CTNNA3: variants seen among roughly 807,000 people sequenced by gnomAD.
The protein encoded by CTNNA3 is catenin alpha-3.
A neutral mutation model predicts 95.7 loss-of-function variants in CTNNA3; 76 were observed. The observed-to-expected ratio is 0.79, with a 90% CI of 0.66 to 0.96. CTNNA3 has a LOEUF of 0.96. CTNNA3 is among the 40% of genes least tolerant of loss of function. CTNNA3 has a pLI of 0.00. For missense variants in CTNNA3, 1,191 were observed against 1,089.8 expected (o/e 1.09, Z -1.31); for synonymous variants, 431 against 374.4 (o/e 1.15, Z -1.74).
At chr10:66,729,972 G>T (rs1848905299) in intron 9 of CTNNA3, among the ~76,000 whole-genome samples, 1 of 151,924 alleles carries the variant, frequency 6.6e-6, no homozygotes, top group Non-Finnish European at 1.5e-5. Flanking sequence ...CAGGCGTGGT[G>T]GCAGGTGCCT....
At chr10:66,106,920 TAC>T (rs35176977) in intron 13 of CTNNA3, among the ~76,000 whole-genome samples, 32,415 of 152,064 alleles carry the variant, frequency 0.21, 3,589 homozygotes, top group Admixed American at 0.27. Flanking sequence ...TGCCTCTAGT[TAC>T]AGTTACCTGA....
chr10:67,470,751 G>A (rs1370022248), intron 5 of CTNNA3, among the ~76,000 whole-genome samples: 2 of 151,820 alleles, frequency 1.3e-5, no homozygotes, highest in Non-Finnish European at 2.9e-5. Flanking sequence ...AGTTTTTGGG[G>A]CCAGAAAAAA....
At chr10:66,700,553 A>G (rs930862847) in intron 9 of CTNNA3, among the ~76,000 whole-genome samples, 3 of 152,188 alleles carry the variant, frequency 2.0e-5, no homozygotes, top group Non-Finnish European at 4.4e-5. Flanking sequence ...ATAACTTGAC[A>G]TTAGGGAATG....
intron 9 of CTNNA3, among the ~76,000 whole-genome samples, chr10:66,646,250 T>C (rs900916387): frequency 2.0e-5 from 3 of 151,826 alleles, no homozygotes; most frequent in Non-Finnish European, 4.4e-5. Flanking sequence ...TGTGAAAAAA[T>C]AGAATATCCA....
intron 13 of CTNNA3, among the ~76,000 whole-genome samples, chr10:66,122,382 T>A (rs1444678721): frequency 2.0e-5 from 3 of 152,072 alleles, no homozygotes; most frequent in Non-Finnish European, 2.9e-5. Context: ...ATACATTACA[T>A]GTAATAGAAG....
In CTNNA3 at chr10:66,526,129, G is replaced by T. The variant is rs1283420018; in HGVS notation, c.1375-5356C>A. 2.0e-5 allele frequency among the ~76,000 whole-genome samples: 3 copies of T among 152,214 alleles called. No individual in the cohort carries two copies. In the East Asian group the frequency reaches 5.8e-4, roughly 29 times the overall value. ...TATGACCATTGTTGTACAAATGCCT[G>T]CTCAAGTCTTGGCTTGCAATTATTT... On this transcript the variant is annotated intron_variant, in intron 10 of 17. Coordinates refer to ENST00000433211, the MANE Select transcript of CTNNA3 (RefSeq NM_013266.4).
intron 5 of CTNNA3, among the ~76,000 whole-genome samples, chr10:67,321,906 G>C (rs546543730): frequency 6.6e-6 from 1 of 152,038 alleles, no homozygotes; most frequent in Admixed American, 6.6e-5. Flanking sequence ...ATTTGCTCAG[G>C]TGGAATATTT....
chr10:66,374,606 CTTTTTTTTTTTTTT>C (rs58880058), intron 12 of CTNNA3, among the ~76,000 whole-genome samples: 2 of 88,134 alleles, frequency 2.3e-5, no homozygotes, highest in Non-Finnish European at 4.0e-5. Flanking sequence ...AAAGAAAAGC[CTTTTTTTTTTTTTT>C]TTTTTTTTTT....
intron 7 of CTNNA3, among the ~76,000 whole-genome samples, chr10:67,041,978 G>A (rs546465264): frequency 2.8e-4 from 43 of 152,208 alleles, no homozygotes; most frequent in African/African-American, 9.9e-4. Context: ...GGCATATATA[G>A]TAGTTTGATA....
chr10:67,547,579 C>A (rs2133219545), intron 3 of CTNNA3, among the ~76,000 whole-genome samples: 1 of 152,268 alleles, frequency 6.6e-6, no homozygotes, highest in Non-Finnish European at 1.5e-5. Context: ...TATTGATATG[C>A]TCCTTATGCA....
chr10:65,923,395 G>T (rs1334447488), intron 17 of CTNNA3, among the ~76,000 whole-genome samples: 2 of 152,120 alleles, frequency 1.3e-5, no homozygotes, highest in Non-Finnish European at 2.9e-5. Flanking sequence ...ATGTTTTTAT[G>T]ATCTACTCTG....
intron 5 of CTNNA3, among the ~76,000 whole-genome samples, chr10:67,491,311 G>C (rs74339313): frequency 0.011 from 1,600 of 152,258 alleles, 34 homozygotes; most frequent in African/African-American, 0.036. Context: ...CTTTGTCCCT[G>C]GCACTGTCCT....
At chr10:66,415,930 T>A (rs2441714) in intron 11 of CTNNA3, among the ~76,000 whole-genome samples, 89,262 of 151,986 alleles carry the variant, frequency 0.59, 28,390 homozygotes, top group African/African-American at 0.84. Flanking sequence ...GACACAGGAA[T>A]CATGAAAAAG....
At chr10:67,262,979 G>C (rs533505049) in intron 5 of CTNNA3, among the ~76,000 whole-genome samples, 1 of 152,266 alleles carries the variant, frequency 6.6e-6, no homozygotes, top group South Asian at 2.1e-4. Context: ...ATAAGTTCAA[G>C]TAATTAACAT....
At chr10:66,166,516 A>C (rs956323738) in intron 13 of CTNNA3, among the ~76,000 whole-genome samples, 7 of 142,698 alleles carry the variant, frequency 4.9e-5, no homozygotes, top group African/African-American at 1.8e-4. Flanking sequence ...AAAAAAAAAA[A>C]AAGAAGAAGT....
At chr10:66,138,164 T>A (rs548638311) in intron 13 of CTNNA3, among the ~76,000 whole-genome samples, 26 of 152,194 alleles carry the variant, frequency 1.7e-4, no homozygotes, top group Non-Finnish European at 3.2e-4. Flanking sequence ...ATGTATGCAT[T>A]AAATTTAAAA....
intron 17 of CTNNA3, among the ~76,000 whole-genome samples, chr10:65,943,275 A>C (rs2077457831): frequency 6.6e-6 from 1 of 152,118 alleles, no homozygotes; most frequent in Non-Finnish European, 1.5e-5. Flanking sequence ...CATGTTAGCC[A>C]GGATGGTCTC....
At chr10:67,664,447 C>A (rs1013691392) in intron 1 of CTNNA3, among the ~76,000 whole-genome samples, 1 of 152,164 alleles carries the variant, frequency 6.6e-6, no homozygotes, top group Non-Finnish European at 1.5e-5. Context: ...TCCAGACTGC[C>A]ACCAAGGTAA....
chr10:67,342,322 T>A (rs1842237283), intron 5 of CTNNA3, among the ~76,000 whole-genome samples: 1 of 152,082 alleles, frequency 6.6e-6, no homozygotes, highest in Non-Finnish European at 1.5e-5. Context: ...CAGGATGGTC[T>A]CAATCTCCTG....
Sources: allele counts gnomAD v4.1 joint callset (sites outside exome capture counted in the v4.1 genomes callset), GRCh38; gene constraint gnomAD v4.1.1; transcripts MANE v1.5; gene names NCBI Gene and HGNC (gene_info 2026-07-23, HGNC 2026-07-21).